Variants in EDNRB observed in about 807,000 individuals in gnomAD.
The protein encoded by EDNRB is Hirschsprung disease 2.
Under a neutral mutation model 46.4 loss-of-function variants are expected in EDNRB, and 18 were observed. The observed-to-expected ratio is 0.39, with a 90% CI of 0.27 to 0.57. EDNRB has a LOEUF of 0.57. Ranked by LOEUF, EDNRB falls within the 20% of genes least tolerant of loss-of-function variation. The pLI is 0.61. For missense variants in EDNRB, 434 were observed against 537.5 expected, an observed-to-expected ratio of 0.81 and a Z score of 1.90; for synonymous variants, 213 against 204.9, an observed-to-expected ratio of 1.04 and a Z score of -0.34.
intron 1 of EDNRB, among the ~76,000 whole-genome samples, chr13:77,938,580 CAT>C (rs1311922361): frequency 6.6e-6 from 1 of 152,162 alleles, no homozygotes; most frequent in Non-Finnish European, 1.5e-5. Context: ...ACCTCTGAAA[CAT>C]GGGTGAATAA....
chr13:77,941,854 T>A (rs1238647721), intron 1 of EDNRB, among the ~76,000 whole-genome samples: 1 of 152,218 alleles, frequency 6.6e-6, no homozygotes, highest in African/African-American at 2.4e-5. Flanking sequence ...ACAGTACCAT[T>A]TTGAGTAAGG....
chr13:77,900,394 G>T, intron 5 of EDNRB, 127 bp downstream of exon 5: 25 of 1,270,166 alleles, frequency 2.0e-5, no homozygotes, highest in Non-Finnish European at 2.8e-5. Flanking sequence ...GATAAAAATT[G>T]GGAGTCTCCA....
At chr13:77,919,781 T>A (rs1472871303), upstream of EDNRB, 5 of 643,302 alleles carry the variant, frequency 7.8e-6, no homozygotes, top group Non-Finnish European at 1.0e-5. Flanking sequence ...TTGTTAGAGT[T>A]CTACGCTCTT....
chr13:77,960,374 G>A (rs1881368258), intron 1 of EDNRB, among the ~76,000 whole-genome samples: 2 of 152,146 alleles, frequency 1.3e-5, no homozygotes, highest in Non-Finnish European at 2.9e-5. Flanking sequence ...GAGAGTGGGG[G>A]CCAATATTCA....
intron 1 of EDNRB, among the ~76,000 whole-genome samples, chr13:77,958,283 T>C (rs1881297259): frequency 6.6e-6 from 1 of 152,332 alleles, no homozygotes; most frequent in Non-Finnish European, 1.5e-5. Context: ...CTTTAGTATA[T>C]TTAAAGCAGA....
At chr13:77,915,590 T>G (rs1184414796) in intron 1 of EDNRB, among the ~76,000 whole-genome samples, 1 of 152,216 alleles carries the variant, frequency 6.6e-6, no homozygotes, top group Non-Finnish European at 1.5e-5. Flanking sequence ...TTTGCCTAGA[T>G]CTAAAGCAGG....
intron 1 of EDNRB, among the ~76,000 whole-genome samples, chr13:77,928,536 T>A (rs1880302759): frequency 6.6e-6 from 1 of 152,204 alleles, no homozygotes; most frequent in Non-Finnish European, 1.5e-5. Context: ...CCTGAAAATG[T>A]TTACCACTGG....
upstream of EDNRB, chr13:77,919,119 G>C: frequency 2.0e-6 from 1 of 493,874 alleles, no homozygotes; most frequent in Non-Finnish European, 3.3e-6. Flanking sequence ...GCTACTCCCT[G>C]GCTGGCTGAG....
Position 77,972,453 on chromosome 13 carries a change from G to A in EDNRB, c.-52+2894C>T, listed in dbSNP as rs113566317. 5.2e-3 allele frequency among the ~76,000 whole-genome samples: 794 copies of A among 152,202 alleles called. 12 individuals are homozygous for A. The highest frequency in any genetic ancestry group is 0.018 in the African/African-American group (741 of 41,526). ...TTTTAGGAAATTATAAAAACCAGTC[G>A]GGGCAGTTCATCCTTGCTCTTTAGT... On this transcript the variant is annotated intron_variant, in intron 1 of 7. Coordinates refer to the EDNRB transcript ENST00000646948.
chr13:77,931,041 T>A (rs1373290909), intron 1 of EDNRB, among the ~76,000 whole-genome samples: 1 of 152,210 alleles, frequency 6.6e-6, no homozygotes, highest in African/African-American at 2.4e-5. Flanking sequence ...GGTCTCCAGA[T>A]GCTGTTTTTG....
chr13:77,962,782 C>T lies in EDNRB; in HGVS notation c.-52+12565G>A, dbSNP rs545635946. On this transcript the variant is annotated intron_variant, in intron 1 of 7. Coordinates refer to the EDNRB transcript ENST00000646948. ...GGAAGTTCTGGCCAGGGCAATCAGG[C>T]AGGAGAAAGAAATAAAGGGTATTCA... Among the ~76,000 whole-genome samples the T allele has an allele frequency of 2.2e-4, 34 of 152,182 alleles. No homozygotes were observed. The South Asian group carries it at 6.8e-3, about 31-fold the overall frequency.
chr13:77,940,719 GT>G (rs1880721415), intron 1 of EDNRB, among the ~76,000 whole-genome samples: 1 of 131,094 alleles, frequency 7.6e-6, no homozygotes, highest in African/African-American at 2.8e-5. Context: ...GTGTGTGTGT[GT>G]GTGTGTGTGT....
At chr13:77,945,612 T>A (rs1317077055) in intron 1 of EDNRB, among the ~76,000 whole-genome samples, 2 of 152,066 alleles carry the variant, frequency 1.3e-5, no homozygotes, top group Non-Finnish European at 2.9e-5. Context: ...TCACAATGAC[T>A]TGTAGCTGAG....
intron 1 of EDNRB, among the ~76,000 whole-genome samples, chr13:77,909,772 T>C (rs1879481000): frequency 6.6e-6 from 1 of 152,056 alleles, no homozygotes; most frequent in South Asian, 2.1e-4. Context: ...AAATCATCTA[T>C]GACAAAACAT....
upstream of EDNRB, chr13:77,919,162 C>T (rs1297044991): frequency 1.1e-5 from 6 of 558,832 alleles, no homozygotes; most frequent in Non-Finnish European, 1.5e-5. Context: ...AGGAGTGCGC[C>T]GGAGATTCGG....
chr13:77,897,121 C>A lies in EDNRB; in HGVS notation c.*1079G>T. On this transcript the variant is annotated 3_prime_UTR_variant, in exon 7 of 7. Transcript: ENST00000646607. ...ACAGCATGGGTGAGAGAGGGTGCTA[C>A]CTGCCCCTTTGTCATGTGGACACTG... 2.0e-6 allele frequency: 2 copies of A among 985,748 alleles called. No individual in the cohort carries two copies. The highest frequency in any genetic ancestry group is 4.7e-5 in the South Asian group (1 of 21,302). 61.1% of individuals were successfully genotyped at this position (985,748 alleles called of 1,614,324 possible). A position where few individuals can be genotyped will look rare whatever the true frequency, so the allele number is the denominator to read the frequency against.
chr13:77,962,495 TATAA>T (rs1881453771), intron 1 of EDNRB, among the ~76,000 whole-genome samples: 1 of 152,150 alleles, frequency 6.6e-6, no homozygotes, highest in Non-Finnish European at 1.5e-5. Flanking sequence ...TAATCCAGCA[TATAA>T]ACAGAACCAA....
At chr13:77,934,852 T>G (rs372445083) in intron 1 of EDNRB, among the ~76,000 whole-genome samples, 20 of 152,254 alleles carry the variant, frequency 1.3e-4, no homozygotes, top group East Asian at 9.7e-4. Context: ...GTGGTGATTA[T>G]GCCTGGTGGA....
intron 1 of EDNRB, among the ~76,000 whole-genome samples, chr13:77,907,463 C>T (rs1879336479): frequency 1.3e-5 from 2 of 151,880 alleles, no homozygotes; most frequent in Non-Finnish European, 2.9e-5. Context: ...ACTTCTTAGC[C>T]TCTATAATCT....
Sources: gnomAD v4.1 joint callset for allele counts (sites outside exome capture counted in the v4.1 genomes callset) on GRCh38, gnomAD v4.1.1 for gene constraint, MANE v1.5 for transcripts, NCBI Gene and HGNC (gene_info 2026-07-23, HGNC 2026-07-21) for gene names.